STK32B: variants seen among roughly 807,000 people sequenced by gnomAD.
STK32B encodes the protein serine/threonine kinase 32B.
A neutral mutation model predicts 52.6 loss-of-function variants in STK32B; 43 were observed. The ratio of observed to expected loss-of-function variants is 0.82; its 90% confidence interval spans 0.64 to 1.05. The LOEUF (loss-of-function observed/expected upper bound fraction) is 1.05. Ranked by LOEUF, STK32B falls within the 50% of genes least tolerant of loss-of-function variation. STK32B has a pLI of 0.00. For synonymous variants in STK32B, 238 were observed against 204.3 expected (o/e 1.17, Z -1.41); for missense variants, 621 against 534.6 (o/e 1.16, Z -1.59).
rs550210226 is a variant in STK32B, at chr4:5,128,957, G to T, written c.53-10948G>T. ...AGCATTTGAAGCAAAGGACATACAC[G>T]TAGTTTCTCAGTGTGTATTGCCTGG... On this transcript the variant is annotated intron_variant, in intron 1 of 11. Transcript: ENST00000282908. 2.0e-5 allele frequency among the ~76,000 whole-genome samples: 3 copies of T among 152,332 alleles called. No homozygotes were observed. The South Asian group carries it at 6.2e-4, about 32-fold the overall frequency.
intron 1 of STK32B, among the ~76,000 whole-genome samples, chr4:5,110,643 A>G (rs1268413888): frequency 6.6e-6 from 1 of 152,166 alleles, no homozygotes; most frequent in African/African-American, 2.4e-5. Flanking sequence ...TAAGACCTGA[A>G]ACTATATTAA....
In STK32B at chr4:5,496,749, C is replaced by T. The variant is rs192500956; in HGVS notation, c.1107-2196C>T. ...TCTGTCCTTGAAGATCAAAATGTTG[C>T]CGTTCCTTTTCAGTATGAAGAGAAT... On this transcript the variant is annotated intron_variant, in intron 11 of 11. Transcript: ENST00000282908. 4.3e-3 allele frequency among the ~76,000 whole-genome samples: 648 copies of T among 151,884 alleles called. 3 individuals are homozygous for T. Among genetic ancestry groups the T allele is most frequent in the Middle Eastern group, 0.02 (6 of 294 alleles).
intron 4 of STK32B, among the ~76,000 whole-genome samples, chr4:5,390,964 C>CTT (rs71638602): frequency 0.017 from 2,117 of 123,988 alleles, 51 homozygotes; most frequent in South Asian, 0.045. Flanking sequence ...TCTTTTCTAT[C>CTT]TTTTTTTTTT....
chr4:5,185,697 C>T (rs968410397), intron 3 of STK32B, among the ~76,000 whole-genome samples: 10 of 152,200 alleles, frequency 6.6e-5, no homozygotes, highest in African/African-American at 2.4e-4. Context: ...ACTACTGTTT[C>T]AATGCCCAGC....
chr4:5,179,289 A>G (rs999472451), intron 3 of STK32B, among the ~76,000 whole-genome samples: 2 of 152,198 alleles, frequency 1.3e-5, no homozygotes, highest in Admixed American at 6.5e-5. Context: ...CCATGATTCA[A>G]ATACATCCCA....
chr4:5,233,012 G>T (rs1276775983), intron 3 of STK32B, among the ~76,000 whole-genome samples: 1 of 152,160 alleles, frequency 6.6e-6, no homozygotes, highest in East Asian at 1.9e-4. Context: ...CCCAGGTAAT[G>T]CTGTGCTACT....
At chr4:5,483,575 G>C (rs898661081) in intron 11 of STK32B, among the ~76,000 whole-genome samples, 1 of 151,894 alleles carries the variant, frequency 6.6e-6, no homozygotes, top group Non-Finnish European at 1.5e-5. Flanking sequence ...GTTTTTTTGT[G>C]TCTCTATTTC....
chr4:5,132,740 A>G (rs1377645679), intron 1 of STK32B, among the ~76,000 whole-genome samples: 11 of 152,166 alleles, frequency 7.2e-5, no homozygotes, highest in Admixed American at 6.5e-4. Context: ...GCCATTTGTT[A>G]TAGCAGCACC....
chr4:5,142,022 AG>A (rs1359040380), intron 2 of STK32B, among the ~76,000 whole-genome samples: 2 of 152,098 alleles, frequency 1.3e-5, no homozygotes, highest in Non-Finnish European at 2.9e-5. Flanking sequence ...CTTCCTACTG[AG>A]GGAAGCATCT....
chr4:5,110,022 A>C (rs928363020), intron 1 of STK32B, among the ~76,000 whole-genome samples: 5 of 151,908 alleles, frequency 3.3e-5, no homozygotes, highest in African/African-American at 1.2e-4. Context: ...CAGAAAAAAA[A>C]AACCTGGGAA....
At chr4:5,411,015 G>C in intron 5 of STK32B, among the ~76,000 whole-genome samples, 1 of 151,642 alleles carries the variant, frequency 6.6e-6, no homozygotes, top group African/African-American at 2.4e-5. Flanking sequence ...GAATAATCCA[G>C]TCACCTCCTA....
chr4:5,140,298 G>T, intron 2 of STK32B: 2 of 1,327,134 alleles, frequency 1.5e-6, no homozygotes, highest in African/African-American at 1.5e-5. Flanking sequence ...ATAGACGTTT[G>T]TTGTTTTGGT....
intron 2 of STK32B, among the ~76,000 whole-genome samples, chr4:5,167,717 C>A (rs1241121080): frequency 6.6e-6 from 1 of 152,220 alleles, no homozygotes; most frequent in Non-Finnish European, 1.5e-5. Flanking sequence ...TACTGATACT[C>A]CCGTTTCTAA....
intron 6 of STK32B, among the ~76,000 whole-genome samples, chr4:5,446,237 A>G (rs1032439755): frequency 6.6e-6 from 1 of 152,206 alleles, no homozygotes; most frequent in African/African-American, 2.4e-5. Flanking sequence ...ACCACATGGC[A>G]TAGTGAAAAA....
chr4:5,462,268 ATGTGTGTG>A lies in STK32B; in HGVS notation c.909+2046_909+2053del, dbSNP rs565663462. On this transcript the variant is annotated intron_variant, in intron 9 of 11. Transcript: ENST00000282908. The stretch of plus-strand genomic sequence containing the variant: ...TGTGTGCCTCTGTTTTTGTGTCTGT[ATGTGTGTG>A]TGTGTATGTGTCTGTGTGTGTGTAC... 2.1e-5 allele frequency among the ~76,000 whole-genome samples: 3 copies of A among 142,124 alleles called. No individual in the cohort carries two copies. In the East Asian group the frequency reaches 6.2e-4, roughly 29 times the overall value. The allele number at this position is 142,124 out of a possible 152,430, so 93.2% of individuals were successfully genotyped here. A position where few individuals can be genotyped will look rare whatever the true frequency, so the allele number is the denominator to read the frequency against.
chr4:5,112,960 G>A (rs1017180680), intron 1 of STK32B, among the ~76,000 whole-genome samples: 1 of 152,116 alleles, frequency 6.6e-6, no homozygotes, highest in African/African-American at 2.4e-5. Flanking sequence ...AGCCAAACAG[G>A]CAAATATGCT....
intron 3 of STK32B, among the ~76,000 whole-genome samples, chr4:5,258,872 C>A (rs1022584107): frequency 1.3e-5 from 2 of 152,218 alleles, no homozygotes; most frequent in Non-Finnish European, 2.9e-5. Context: ...CCATCTCACT[C>A]GGAGGTAAAG....
At chr4:5,372,641 A>C (rs1735322974) in intron 4 of STK32B, among the ~76,000 whole-genome samples, 2 of 151,758 alleles carry the variant, frequency 1.3e-5, no homozygotes, top group Admixed American at 1.3e-4. Context: ...CTATTTAATA[A>C]AATTTCAGCT....
intron 7 of STK32B, among the ~76,000 whole-genome samples, chr4:5,448,631 A>G (rs1175155612): frequency 6.6e-6 from 1 of 152,172 alleles, no homozygotes; most frequent in Non-Finnish European, 1.5e-5. Flanking sequence ...ATTTTATTTT[A>G]TTTTTTAATT....
Sources: allele counts gnomAD v4.1 joint callset (sites outside exome capture counted in the v4.1 genomes callset), GRCh38; gene constraint gnomAD v4.1.1; transcripts MANE v1.5; gene names NCBI Gene and HGNC (gene_info 2026-07-23, HGNC 2026-07-21).